The following IGSF21 variants were observed in gnomAD, a reference collection of about 807,000 sequenced individuals.
IGSF21 encodes immunoglobulin superfamily member 21.
Under a neutral mutation model 46.8 loss-of-function variants are expected in IGSF21, and 28 were observed. The ratio of observed to expected loss-of-function variants is 0.60; its 90% CI spans 0.44 to 0.82. The LOEUF is 0.82. IGSF21 is among the 40% of genes least tolerant of loss of function. IGSF21 has a pLI of 0.00. For synonymous variants in IGSF21, 284 were observed against 273.6 expected, an observed-to-expected ratio of 1.04 and a Z score of -0.38; for missense variants, 624 against 665.5, an observed-to-expected ratio of 0.94 and a Z score of 0.69.
At chr1:18,124,101 C>T (rs12072266) in intron 1 of IGSF21, among the ~76,000 whole-genome samples, 64,548 of 152,022 alleles carry the variant, frequency 0.42, 14,121 homozygotes, top group African/African-American at 0.49. Flanking sequence ...CTAACCCAGG[C>T]CCTGCAGCTG....
At chr1:18,374,540 G>A (rs1240579126) in intron 6 of IGSF21, among the ~76,000 whole-genome samples, 1 of 152,166 alleles carries the variant, frequency 6.6e-6, no homozygotes, top group East Asian at 1.9e-4. Context: ...CCACACGACT[G>A]GCTGGCAGAT....
At chr1:18,205,532 C>T (rs369783641) in intron 1 of IGSF21, among the ~76,000 whole-genome samples, 13 of 152,192 alleles carry the variant, frequency 8.5e-5, no homozygotes, top group East Asian at 5.8e-4. Flanking sequence ...GTGAGGCCCA[C>T]GGAGCATGAC....
At chr1:18,275,295 G>A (rs1468286983) in intron 2 of IGSF21, among the ~76,000 whole-genome samples, 2 of 152,136 alleles carry the variant, frequency 1.3e-5, no homozygotes, top group East Asian at 1.9e-4. Flanking sequence ...GATCTAAGCT[G>A]GGGCTTGGCG....
chr1:18,125,469 C>T (rs1288601947), intron 1 of IGSF21, among the ~76,000 whole-genome samples: 1 of 152,152 alleles, frequency 6.6e-6, no homozygotes, highest in African/African-American at 2.4e-5. Context: ...ATACGGCTAC[C>T]TCGTTGGAAA....
intron 2 of IGSF21, among the ~76,000 whole-genome samples, chr1:18,241,369 G>A (rs909918122): frequency 2.6e-5 from 4 of 152,126 alleles, no homozygotes; most frequent in South Asian, 2.1e-4. Context: ...TGAAGATTCT[G>A]GGGATATCAG....
rs546394811 is a variant in IGSF21, at chr1:18,260,432, G to A, written c.184-31434G>A. ...AGGTAAGCCGATGGTGTTAGACAGCGACTTCTATTGAAGCGGCAGTGCGCA... is the reference window on the plus strand; with the variant it reads ...AGGTAAGCCGATGGTGTTAGACAGCAACTTCTATTGAAGCGGCAGTGCGCA... On this transcript the variant is annotated intron_variant, in intron 2 of 9. Coordinates refer to ENST00000251296, the MANE Select transcript of IGSF21 (RefSeq NM_032880.5). Among the ~76,000 whole-genome samples the A allele has an allele frequency of 1.3e-4, 20 of 152,362 alleles. No homozygotes were observed. The East Asian group carries it at 2.3e-3, about 18-fold the overall frequency.
chr1:18,187,423 C>T (rs1024189819), intron 1 of IGSF21, among the ~76,000 whole-genome samples: 36 of 152,108 alleles, frequency 2.4e-4, no homozygotes, highest in Admixed American at 6.5e-5. Flanking sequence ...CTGGGGAGGC[C>T]TCATAATCAT....
chr1:18,196,239 T>C (rs2087007570), intron 1 of IGSF21, among the ~76,000 whole-genome samples: 1 of 152,134 alleles, frequency 6.6e-6, no homozygotes, highest in South Asian at 2.1e-4. Context: ...TGCCACCTTA[T>C]AATCCCCGAG....
intron 3 of IGSF21, among the ~76,000 whole-genome samples, chr1:18,304,395 C>A (rs928499431): frequency 1.3e-5 from 2 of 152,168 alleles, no homozygotes; most frequent in African/African-American, 4.8e-5. Flanking sequence ...CCACTTAAAG[C>A]CACCATCCCC....
chr1:18,138,129 G>T (rs986190593), intron 1 of IGSF21, among the ~76,000 whole-genome samples: 5 of 152,210 alleles, frequency 3.3e-5, no homozygotes, highest in African/African-American at 4.8e-5. Context: ...TAATGGGTTC[G>T]TAAGTGACAG....
intron 1 of IGSF21, among the ~76,000 whole-genome samples, chr1:18,108,933 C>T (rs574440047): frequency 4.1e-5 from 6 of 146,256 alleles, no homozygotes; most frequent in African/African-American, 1.5e-4. Context: ...GTGTGGTTAT[C>T]GTGTGCAGGG....
chr1:18,278,809 G>A, intron 2 of IGSF21: 1 of 470,678 alleles, frequency 2.1e-6, no homozygotes, highest in Non-Finnish European at 4.4e-6. Flanking sequence ...GCCTGCCTCG[G>A]CCTCCAAAAG....
intron 4 of IGSF21, among the ~76,000 whole-genome samples, chr1:18,360,237 G>A (rs575879996): frequency 3.9e-5 from 6 of 152,164 alleles, no homozygotes; most frequent in Admixed American, 1.3e-4. Flanking sequence ...TTCCCTTCTC[G>A]GAATTCCTAT....
intron 2 of IGSF21, among the ~76,000 whole-genome samples, chr1:18,238,484 C>T (rs2084693787): frequency 6.6e-6 from 1 of 152,192 alleles, no homozygotes; most frequent in African/African-American, 2.4e-5. Context: ...TCACTGTTCT[C>T]CCTGGCTTGA....
chr1:18,203,491 T>C (rs2087097396), intron 1 of IGSF21, among the ~76,000 whole-genome samples: 1 of 152,316 alleles, frequency 6.6e-6, no homozygotes, highest in South Asian at 2.1e-4. Flanking sequence ...GTATTTTTAG[T>C]AGAGACAGGG....
At chr1:18,192,693 T>C (rs1239423452) in intron 1 of IGSF21, among the ~76,000 whole-genome samples, 1 of 152,032 alleles carries the variant, frequency 6.6e-6, no homozygotes, top group African/African-American at 2.4e-5. Flanking sequence ...AGGCCTGGGT[T>C]GGCATCGTTC....
At chr1:18,269,012 T>C (rs2085017397) in intron 2 of IGSF21, among the ~76,000 whole-genome samples, 1 of 152,282 alleles carries the variant, frequency 6.6e-6, no homozygotes, top group East Asian at 1.9e-4. Flanking sequence ...AGCTGGTCGA[T>C]TGTTCTTGAT....
intron 3 of IGSF21, among the ~76,000 whole-genome samples, chr1:18,321,787 A>G (rs2124594730): frequency 6.6e-6 from 1 of 152,338 alleles, no homozygotes; most frequent in East Asian, 1.9e-4. Flanking sequence ...GAGGACACAG[A>G]CATTTGGACC....
chr1:18,209,644 T>C (rs906320328), intron 1 of IGSF21, among the ~76,000 whole-genome samples: 20 of 134,902 alleles, frequency 1.5e-4, no homozygotes, highest in African/African-American at 5.5e-4. Context: ...TTTTTTTTAG[T>C]AGAGACAGGG....
Sources: gnomAD v4.1 joint callset for allele counts (sites outside exome capture counted in the v4.1 genomes callset) on GRCh38, gnomAD v4.1.1 for gene constraint, MANE v1.5 for transcripts, NCBI Gene and HGNC (gene_info 2026-07-23, HGNC 2026-07-21) for gene names.